The following TBC1D12 variants were observed in gnomAD, a reference collection of about 807,000 sequenced individuals.
TBC1D12 encodes the protein TBC1 domain family member 12, also known as TBC1 domain family, member 12.
A neutral mutation model predicts 86.7 loss-of-function variants in TBC1D12; 56 were observed. The observed-to-expected ratio is 0.65, with a 90% CI of 0.52 to 0.81. The LOEUF is 0.81. Ranked by LOEUF, TBC1D12 falls within the 30% of genes least tolerant of loss-of-function variation. The pLI, the probability that TBC1D12 is intolerant of heterozygous loss-of-function variation, is 0.00. For synonymous variants in TBC1D12, 421 were observed against 411.7 expected (o/e 1.02, Z -0.27); for missense variants, 1,023 against 1,038.8 (o/e 0.98, Z 0.21).
At chr10:94,531,854 T>G (rs370776052) in intron 12 of TBC1D12, among the ~76,000 whole-genome samples, 251 of 99,006 alleles carry the variant, frequency 2.5e-3, no homozygotes, top group African/African-American at 7.3e-3. Context: ...TTTATGTTAT[T>G]TTATTTTATA....
At chr10:94,463,408 C>A (rs1200973284) in intron 2 of TBC1D12, among the ~76,000 whole-genome samples, 2 of 152,164 alleles carry the variant, frequency 1.3e-5, no homozygotes, top group Non-Finnish European at 2.9e-5. Context: ...CGTCATGTGG[C>A]AAGGGAGCTG....
chr10:94,519,053 C>T (rs568171624), intron 9 of TBC1D12, among the ~76,000 whole-genome samples: 5 of 152,166 alleles, frequency 3.3e-5, no homozygotes, highest in East Asian at 3.9e-4. Context: ...CCAGCCTGGA[C>T]GATAAGAGCT....
intron 3 of TBC1D12, among the ~76,000 whole-genome samples, chr10:94,476,368 T>G (rs2055988758): frequency 6.6e-6 from 1 of 152,160 alleles, no homozygotes. Context: ...CTTTTAGGAT[T>G]TGATGAATAT....
intron 11 of TBC1D12, among the ~76,000 whole-genome samples, chr10:94,523,869 T>C (rs890356342): frequency 2.6e-5 from 4 of 152,146 alleles, no homozygotes; most frequent in Admixed American, 1.3e-4. Context: ...CTCAGGAGGC[T>C]GAGGTGGGAG....
intron 1 of TBC1D12, among the ~76,000 whole-genome samples, chr10:94,439,063 C>G (rs974150994): frequency 2.6e-5 from 4 of 152,108 alleles, no homozygotes; most frequent in African/African-American, 9.7e-5. Flanking sequence ...CTCAGCCTCC[C>G]AAAGTGCTAG....
intron 1 of TBC1D12, among the ~76,000 whole-genome samples, chr10:94,426,620 A>AGGCTGGAGT (rs1245459128): frequency 6.6e-6 from 1 of 152,156 alleles, no homozygotes; most frequent in African/African-American, 2.4e-5. Context: ...TTTGTCACCC[A>AGGCTGGAGT]GGCTGGAGTG....
At chr10:94,454,886 A>G (rs773055679) in intron 2 of TBC1D12, among the ~76,000 whole-genome samples, 4 of 151,996 alleles carry the variant, frequency 2.6e-5, no homozygotes, top group African/African-American at 7.3e-5. Flanking sequence ...TCCTTTTTCT[A>G]TTGCATTAAC....
chr10:94,526,594 C>A (rs1163880192), intron 11 of TBC1D12, among the ~76,000 whole-genome samples: 1 of 152,136 alleles, frequency 6.6e-6, no homozygotes, highest in African/African-American at 2.4e-5. Flanking sequence ...AGTAGCATTC[C>A]ATTGTGTGTA....
At chr10:94,463,790 A>C (rs954244980) in intron 2 of TBC1D12, among the ~76,000 whole-genome samples, 2 of 152,200 alleles carry the variant, frequency 1.3e-5, no homozygotes, top group Non-Finnish European at 2.9e-5. Context: ...ATATTCTGTA[A>C]ATATCAGTTT....
chr10:94,427,980 G>A lies in TBC1D12; in HGVS notation c.972-13916G>A, dbSNP rs538269954. Among the ~76,000 whole-genome samples, 59 of 152,040 alleles carry A rather than the reference G, an allele frequency of 3.9e-4. 1 individual carries two copies. The highest frequency in any genetic ancestry group is 2.8e-3 in the Admixed American group (42 of 15,262). On this transcript the variant is annotated intron_variant, in intron 1 of 12. Transcript: ENST00000225235. Reference sequence around the variant, plus strand: ...CTTGGACTGTATTCTGGAAGGATAAGAAAATAAATTTGTATATTTGAATTG... The same window carrying A: ...CTTGGACTGTATTCTGGAAGGATAAAAAAATAAATTTGTATATTTGAATTG...
chr10:94,448,886 G>A (rs190391954), intron 2 of TBC1D12, among the ~76,000 whole-genome samples: 35 of 152,204 alleles, frequency 2.3e-4, no homozygotes, highest in Middle Eastern at 6.8e-3. Context: ...TTCTAGTTGC[G>A]TGTGTGTTCT....
intron 11 of TBC1D12, among the ~76,000 whole-genome samples, chr10:94,525,594 A>T (rs956626425): frequency 6.9e-6 from 1 of 144,892 alleles, no homozygotes; most frequent in African/African-American, 2.6e-5. Context: ...CAGGAGGCCA[A>T]GGTTGCAGTG....
At chr10:94,510,520 T>C (rs559883220) in intron 8 of TBC1D12, among the ~76,000 whole-genome samples, 2 of 152,306 alleles carry the variant, frequency 1.3e-5, no homozygotes, top group Non-Finnish European at 2.9e-5. Context: ...TAAAGAACTT[T>C]TCACAAAACT....
intron 3 of TBC1D12, among the ~76,000 whole-genome samples, chr10:94,475,565 G>A (rs1030298362): frequency 1.3e-5 from 2 of 152,000 alleles, no homozygotes; most frequent in Non-Finnish European, 2.9e-5. Flanking sequence ...TGAGTAGCTG[G>A]GATTACAGAC....
At chr10:94,507,824 A>G (rs2056479969) in intron 7 of TBC1D12, among the ~76,000 whole-genome samples, 1 of 152,046 alleles carries the variant, frequency 6.6e-6, no homozygotes, top group African/African-American at 2.4e-5. Context: ...CATCTCTACT[A>G]AAAAAACAAA....
Position 94,516,552 on chromosome 10 carries a change from T to A in TBC1D12, c.1761+4898T>A, listed in dbSNP as rs1051158340. Among the ~76,000 whole-genome samples the A allele has an allele frequency of 2.0e-5, 3 of 148,652 alleles. No homozygotes were observed. The East Asian group carries it at 6.1e-4, about 30-fold the overall frequency. ...CATTTACATTAGGTATATCTCCTAA[T>A]GCTATCCCTCCCCCCTCCCCCCACC... On this transcript the variant is annotated intron_variant, in intron 9 of 12. Coordinates refer to ENST00000225235, the MANE Select transcript of TBC1D12 (RefSeq NM_015188.2).
chr10:94,416,805 A>G (rs1024254227), intron 1 of TBC1D12, among the ~76,000 whole-genome samples: 1 of 152,162 alleles, frequency 6.6e-6, no homozygotes, highest in Non-Finnish European at 1.5e-5. Context: ...ATGAAAGCTT[A>G]GTATTTTACT....
At chr10:94,502,391 A>G (rs2056409364) in intron 6 of TBC1D12, among the ~76,000 whole-genome samples, 1 of 151,714 alleles carries the variant, frequency 6.6e-6, no homozygotes. Flanking sequence ...AATTAGAATA[A>G]TATCAAATAG....
At chr10:94,441,761 T>C (rs1402665789) in intron 1 of TBC1D12, 135 bp from the exon 2 acceptor site, 1 of 764,852 alleles carries the variant, frequency 1.3e-6, no homozygotes, top group Non-Finnish European at 2.0e-6. Context: ...TAAGTAATAG[T>C]GGTATAAGTA....
Sources: allele counts gnomAD v4.1 joint callset (sites outside exome capture counted in the v4.1 genomes callset), GRCh38; gene constraint gnomAD v4.1.1; transcripts MANE v1.5; gene names NCBI Gene and HGNC (gene_info 2026-07-23, HGNC 2026-07-21).